Variants in LYPD6 observed in about 807,000 individuals in gnomAD.
LYPD6 encodes the protein LY6/PLAUR domain containing 6.
LYPD6 carries 15 observed loss-of-function variants against 22.7 expected under a neutral mutation model. The observed-to-expected ratio is 0.66, with a 90% CI of 0.44 to 1.02. LYPD6 has a LOEUF of 1.02. LYPD6 is among the 50% of genes least tolerant of loss of function. The pLI, the probability that LYPD6 is intolerant of heterozygous loss-of-function variation, is 0.00. For missense variants in LYPD6, 189 were observed against 208.4 expected (o/e 0.91, Z 0.57); for synonymous variants, 72 against 77.5 (o/e 0.93, Z 0.37).
At chr2:149,392,393 G>T (rs1682331081) in intron 1 of LYPD6, among the ~76,000 whole-genome samples, 1 of 152,144 alleles carries the variant, frequency 6.6e-6, no homozygotes, top group Admixed American at 6.5e-5. Flanking sequence ...GGCATAAAAG[G>T]CACAATCAAC....
At chr2:149,450,059 C>A (rs1294769323) in intron 3 of LYPD6, among the ~76,000 whole-genome samples, 3 of 152,144 alleles carry the variant, frequency 2.0e-5, no homozygotes, top group African/African-American at 7.2e-5. Context: ...TTAAAGGAAA[C>A]ATGTCAACTA....
At chr2:149,403,061 C>T (rs532525054) in intron 1 of LYPD6, among the ~76,000 whole-genome samples, 315 of 152,216 alleles carry the variant, frequency 2.1e-3, no homozygotes, top group Non-Finnish European at 3.8e-3. Flanking sequence ...GACATGAACT[C>T]ATCCTTTTTT....
chr2:149,445,816 G>A (rs546375052), intron 2 of LYPD6, among the ~76,000 whole-genome samples: 27 of 152,218 alleles, frequency 1.8e-4, no homozygotes, highest in Middle Eastern at 3.4e-3. Context: ...CTTAACATTC[G>A]TGTATTCATT....
intron 1 of LYPD6, among the ~76,000 whole-genome samples, chr2:149,341,833 C>G (rs750703243): frequency 1.4e-4 from 22 of 152,212 alleles, no homozygotes; most frequent in African/African-American, 5.3e-4. Flanking sequence ...ATCCCATTTG[C>G]GAGGGAGGAG....
chr2:149,422,592 A>C (rs559120841), intron 1 of LYPD6, among the ~76,000 whole-genome samples: 2 of 152,280 alleles, frequency 1.3e-5, no homozygotes, highest in Admixed American at 1.3e-4. Flanking sequence ...CACATACTTA[A>C]GATTTTTTAG....
chr2:149,439,463 G>T (rs1392953256), intron 2 of LYPD6, among the ~76,000 whole-genome samples: 1 of 152,160 alleles, frequency 6.6e-6, no homozygotes, highest in Non-Finnish European at 1.5e-5. Context: ...GTCTCTTAGG[G>T]TTGATTGCCA....
At chr2:149,457,764 C>G (rs1161855025) in intron 3 of LYPD6, among the ~76,000 whole-genome samples, 1 of 151,984 alleles carries the variant, frequency 6.6e-6, no homozygotes, top group Non-Finnish European at 1.5e-5. Flanking sequence ...CTAAGTATGA[C>G]AAAAAATTCT....
At chr2:149,373,559 T>G (rs919047271) in intron 1 of LYPD6, among the ~76,000 whole-genome samples, 1 of 152,066 alleles carries the variant, frequency 6.6e-6, no homozygotes, top group Non-Finnish European at 1.5e-5. Context: ...GCTGTCCTCG[T>G]GTCCAAGGGA....
intron 1 of LYPD6, among the ~76,000 whole-genome samples, chr2:149,366,100 CATGGA>C (rs1681657353): frequency 6.6e-6 from 1 of 152,204 alleles, no homozygotes; most frequent in Non-Finnish European, 1.5e-5. Context: ...GATTAAACCA[CATGGA>C]ATTTCACATT....
chr2:149,438,837 A>C (rs950930668), intron 2 of LYPD6, among the ~76,000 whole-genome samples: 1 of 152,244 alleles, frequency 6.6e-6, no homozygotes, highest in African/African-American at 2.4e-5. Flanking sequence ...CACCTGACCT[A>C]GGGTCAGCAA....
the LYPD6 span, among the ~76,000 whole-genome samples, chr2:149,479,921 C>A: frequency 6.6e-6 from 1 of 152,144 alleles, no homozygotes; most frequent in Non-Finnish European, 1.5e-5. Context: ...AGCAAGTCCC[C>A]CTGCACTGGC....
chr2:149,386,243 C>G (rs1436701137), intron 1 of LYPD6, among the ~76,000 whole-genome samples: 1 of 152,080 alleles, frequency 6.6e-6, no homozygotes, highest in Admixed American at 6.6e-5. Context: ...CCTGTTGTAC[C>G]TAGATTTAGA....
At chr2:149,425,676 A>G (rs916165785) in intron 1 of LYPD6, among the ~76,000 whole-genome samples, 40 of 152,334 alleles carry the variant, frequency 2.6e-4, no homozygotes, top group African/African-American at 8.9e-4. Context: ...TTCAATTATC[A>G]TTATTTATAG....
intron 1 of LYPD6, among the ~76,000 whole-genome samples, chr2:149,392,110 G>A (rs1682323383): frequency 6.6e-6 from 1 of 152,162 alleles, no homozygotes. Context: ...CTCCCATGGG[G>A]ATGGGGTGGT....
intron 1 of LYPD6, among the ~76,000 whole-genome samples, chr2:149,423,208 A>C (rs1434717563): frequency 6.6e-6 from 1 of 152,274 alleles, no homozygotes; most frequent in South Asian, 2.1e-4. Flanking sequence ...TTCCTCTTTC[A>C]TCAGCACTGT....
chr2:149,461,838 A>G (rs762852879), intron 3 of LYPD6, among the ~76,000 whole-genome samples: 3 of 152,020 alleles, frequency 2.0e-5, no homozygotes, highest in Non-Finnish European at 4.4e-5. Flanking sequence ...AACAATTGTC[A>G]AAATTAAACA....
chr2:149,469,701 T>C (rs186956880), intron 4 of LYPD6, among the ~76,000 whole-genome samples: 1 of 152,030 alleles, frequency 6.6e-6, no homozygotes, highest in African/African-American at 2.4e-5. Context: ...CTCCAGCAAA[T>C]TGGACTTGAT....
intron 3 of LYPD6, among the ~76,000 whole-genome samples, chr2:149,466,927 A>G (rs1681214017): frequency 6.6e-6 from 1 of 151,980 alleles, no homozygotes; most frequent in African/African-American, 2.4e-5. Flanking sequence ...GGGGTGGGAA[A>G]GATGAACCTA....
intron 1 of LYPD6, among the ~76,000 whole-genome samples, chr2:149,409,803 G>A (rs367593669): frequency 6.6e-6 from 1 of 152,136 alleles, no homozygotes; most frequent in East Asian, 1.9e-4. Flanking sequence ...CACTCCTACC[G>A]TGAGTAGGAG....
Sources: gnomAD v4.1 joint callset for allele counts (sites outside exome capture counted in the v4.1 genomes callset) on GRCh38, gnomAD v4.1.1 for gene constraint, MANE v1.5 for transcripts, NCBI Gene and HGNC (gene_info 2026-07-23, HGNC 2026-07-21) for gene names.